KPNA6: variants seen among roughly 807,000 people sequenced by gnomAD.
The protein encoded by KPNA6 is karyopherin subunit alpha 6.
KPNA6 carries 9 observed loss-of-function variants against 72.0 expected under a neutral mutation model. The observed-to-expected ratio is 0.13, with a 90% CI of 0.08 to 0.22. KPNA6 has a LOEUF of 0.22. Among genes scored for constraint, KPNA6 ranks in the 10% least tolerant of loss-of-function variants. The pLI is 1.00. For synonymous variants in KPNA6, 219 were observed against 242.1 expected (o/e 0.90, Z 0.89); for missense variants, 374 against 655.7 (o/e 0.57, Z 4.69).
At chr1:32,156,799 C>A in intron 2 of KPNA6, 54 bp from the exon 3 acceptor site, 1 of 1,334,738 alleles carries the variant, frequency 7.5e-7, no homozygotes, top group Non-Finnish European at 1.1e-6. Flanking sequence ...TTGGATTGTT[C>A]TTTGTTTTCT....
At chr1:32,128,070 T>G (rs917994458) in intron 1 of KPNA6, among the ~76,000 whole-genome samples, 3 of 152,154 alleles carry the variant, frequency 2.0e-5, no homozygotes, top group East Asian at 3.9e-4. Flanking sequence ...TTTTCCTACT[T>G]TAATTCGTTT....
intron 10 of KPNA6, among the ~76,000 whole-genome samples, chr1:32,164,222 G>A (rs1642291040): frequency 1.3e-5 from 2 of 152,122 alleles, no homozygotes; most frequent in Non-Finnish European, 2.9e-5. Flanking sequence ...TCATGTTGTA[G>A]CATGCATCAG....
chr1:32,128,387 T>TATA (rs1553127101), intron 1 of KPNA6, among the ~76,000 whole-genome samples: 4 of 72,168 alleles, frequency 5.5e-5, no homozygotes, highest in African/African-American at 1.4e-4. Flanking sequence ...ATATATGTAT[T>TATA]TATATATATA....
chr1:32,164,409 G>C (rs1642294172), intron 10 of KPNA6, among the ~76,000 whole-genome samples: 2 of 152,154 alleles, frequency 1.3e-5, no homozygotes, highest in African/African-American at 4.8e-5. Context: ...GGAATTGCTG[G>C]ATCATGTTCT....
chr1:32,149,255 T>C (rs1159001152), intron 1 of KPNA6, among the ~76,000 whole-genome samples: 1 of 152,134 alleles, frequency 6.6e-6, no homozygotes. Flanking sequence ...ATTTTATTCA[T>C]GTATTGTGTT....
chr1:32,154,478 G>A, intron 1 of KPNA6, 110 bp from the exon 2 acceptor site: 1 of 1,150,452 alleles, frequency 8.7e-7, no homozygotes, highest in East Asian at 2.4e-5. Context: ...CCAGAGAGCT[G>A]TATTCCCCCC....
chr1:32,151,341 G>C (rs1281065241), intron 1 of KPNA6, among the ~76,000 whole-genome samples: 1 of 152,110 alleles, frequency 6.6e-6, no homozygotes, highest in African/African-American at 2.4e-5. Context: ...ATTCAGATTT[G>C]TCTAAAGTCT....
At chr1:32,139,311 G>A (rs913359864) in intron 1 of KPNA6, among the ~76,000 whole-genome samples, 8 of 152,160 alleles carry the variant, frequency 5.3e-5, no homozygotes, top group African/African-American at 1.9e-4. Flanking sequence ...TTGGGTTAGG[G>A]TAATGGGGAA....
At chr1:32,160,018 G>C (rs1001584156) in intron 6 of KPNA6, among the ~76,000 whole-genome samples, 2 of 152,122 alleles carry the variant, frequency 1.3e-5, no homozygotes, top group Non-Finnish European at 2.9e-5. Flanking sequence ...TGCAACTTTC[G>C]CCAGGCGCGG....
At chr1:32,109,040 C>T (rs961477043) in intron 1 of KPNA6, among the ~76,000 whole-genome samples, 1 of 152,132 alleles carries the variant, frequency 6.6e-6, no homozygotes, top group African/African-American at 2.4e-5. Context: ...ATTTGTACAA[C>T]CTAAGGAAAT....
In KPNA6 at chr1:32,170,983, C is replaced by A; in HGVS notation, c.*89C>A. The A allele has an allele frequency of 8.9e-7, 1 of 1,126,458 alleles. No homozygotes were observed. The highest frequency in any genetic ancestry group is 1.3e-6 in the Non-Finnish European group (1 of 763,510). 69.8% of individuals were successfully genotyped at this position (1,126,458 alleles called of 1,614,324 possible). A position where few individuals can be genotyped will look rare whatever the true frequency, so the allele number is the denominator to read the frequency against. On this transcript the variant is annotated 3_prime_UTR_variant, in exon 14 of 14. Coordinates refer to ENST00000373625, the MANE Select transcript of KPNA6 (RefSeq NM_012316.5). Reference sequence around the variant, plus strand: ...GGTGGGCGGGAAACCAGTGTCCCCACCATCAGCCACCACACACCTCTGCTG... The same window carrying A: ...GGTGGGCGGGAAACCAGTGTCCCCAACATCAGCCACCACACACCTCTGCTG...
At chr1:32,160,792 T>C in intron 7 of KPNA6, 89 bp downstream of exon 7, 1 of 888,894 alleles carries the variant, frequency 1.1e-6, no homozygotes, top group Non-Finnish European at 1.9e-6. Flanking sequence ...TTCCTTAAGA[T>C]GATAGGTAAG....
chr1:32,124,690 A>G (rs1308850234), intron 1 of KPNA6, among the ~76,000 whole-genome samples: 2 of 150,176 alleles, frequency 1.3e-5, no homozygotes, highest in African/African-American at 2.4e-5. Flanking sequence ...GTATTTTAGT[A>G]GAGACGGGGT....
chr1:32,138,434 T>C (rs183335946), intron 1 of KPNA6, among the ~76,000 whole-genome samples: 2 of 151,470 alleles, frequency 1.3e-5, no homozygotes, highest in Admixed American at 1.3e-4. Context: ...TCCCAGCTAC[T>C]TGGGAGGCTG....
intron 11 of KPNA6, 28 bp downstream of exon 11, chr1:32,166,258 A>T (rs1204364080): frequency 1.3e-6 from 2 of 1,599,740 alleles, no homozygotes; most frequent in Non-Finnish European, 1.7e-6. Context: ...GTCAAGGGGC[A>T]TGGGAAGTCA....
chr1:32,132,820 G>A lies in KPNA6; in HGVS notation c.5-21768G>A, dbSNP rs369152048. ...CCGGAGGCTGGGACAGGAGAATGGCGTGAACCTGGGAGGCGGAGCTTGCAG... is the reference window on the plus strand; with the variant it reads ...CCGGAGGCTGGGACAGGAGAATGGCATGAACCTGGGAGGCGGAGCTTGCAG... On this transcript the variant is annotated intron_variant, in intron 1 of 13. Transcript: ENST00000373625. Among the ~76,000 whole-genome samples the A allele has an allele frequency of 1.1e-3, 166 of 152,182 alleles. 1 individual carries two copies. The highest frequency in any genetic ancestry group is 3.8e-3 in the African/African-American group (158 of 41,558).
chr1:32,121,477 G>T (rs1168117200), intron 1 of KPNA6, among the ~76,000 whole-genome samples: 1 of 152,148 alleles, frequency 6.6e-6, no homozygotes, highest in Non-Finnish European at 1.5e-5. Flanking sequence ...AGTGAGGCCT[G>T]GGAATGGAGA....
At chr1:32,161,748 A>G (rs1642241857) in intron 7 of KPNA6, among the ~76,000 whole-genome samples, 199 bp from the exon 8 acceptor site, 1 of 152,188 alleles carries the variant, frequency 6.6e-6, no homozygotes, top group Non-Finnish European at 1.5e-5. Flanking sequence ...TTAACTAGCC[A>G]CAGCTGGTCC....
rs1160066368 is a variant in KPNA6 at position 32,162,439 on chromosome 1, C to G, written c.826C>G (p.Leu276Val). 1 of 1,614,120 alleles carries G rather than the reference C, an allele frequency of 6.2e-7. No individual in the cohort carries two copies. The highest frequency in any genetic ancestry group is 1.1e-5 in the South Asian group (1 of 91,080). Reference sequence around the variant, plus strand: ...CTTGCTGGCAGATGCTTGCTGGGCCCTTTCTTATCTGTCTGATGGCCCCAA... The same window carrying G: ...CTTGCTGGCAGATGCTTGCTGGGCCGTTTCTTATCTGTCTGATGGCCCCAA... The part of the protein sequence containing the change: ...SDLLADACWA[L>V]SYLSDGPNEK... The change falls in exon 9 of 14, where the codon CTT becomes GTT. Residue 276 changes from leucine to valine, a missense_variant. Transcript: ENST00000373625.
Sources: allele counts gnomAD v4.1 joint callset (sites outside exome capture counted in the v4.1 genomes callset), GRCh38; gene constraint gnomAD v4.1.1; transcripts MANE v1.5; gene names NCBI Gene and HGNC (gene_info 2026-07-23, HGNC 2026-07-21).